The following FAM3B variants were observed in gnomAD, a reference collection of about 807,000 sequenced individuals.
The protein encoded by FAM3B is FAM3 metabolism regulating signaling molecule B, also known as protein FAM3B.
Under a neutral mutation model 28.4 loss-of-function variants are expected in FAM3B, and 29 were observed. That is an observed-to-expected ratio of 1.02 (90% CI 0.76 to 1.39). The LOEUF is 1.39. Among genes scored for constraint, FAM3B ranks in the 40% most tolerant of loss-of-function variants. The pLI, the probability that FAM3B is intolerant of heterozygous loss-of-function variation, is 0.00. For synonymous variants in FAM3B, 91 were observed against 103.0 expected (o/e 0.88, Z 0.71); for missense variants, 266 against 293.9 (o/e 0.91, Z 0.69).
chr21:41,309,376 G>A (rs1457632159), intron 1 of FAM3B, among the ~76,000 whole-genome samples: 2 of 152,118 alleles, frequency 1.3e-5, no homozygotes, highest in Admixed American at 6.5e-5. Flanking sequence ...TCCCACAGTG[G>A]GTCACCCATG....
chr21:41,350,163 G>A (rs1371480993), intron 7 of FAM3B, among the ~76,000 whole-genome samples: 1 of 152,326 alleles, frequency 6.6e-6, no homozygotes, highest in South Asian at 2.1e-4. Flanking sequence ...AACAAGTCAC[G>A]TCACCTCTCT....
chr21:41,336,485 A>G (rs927409133), intron 2 of FAM3B, among the ~76,000 whole-genome samples: 3 of 152,306 alleles, frequency 2.0e-5, no homozygotes, highest in East Asian at 1.9e-4. Context: ...TCACACCACT[A>G]CACTCCAGCC....
chr21:41,312,749 GTGTA>G (rs746393563), upstream of FAM3B, among the ~76,000 whole-genome samples: 2 of 148,490 alleles, frequency 1.3e-5, no homozygotes, highest in African/African-American at 5.0e-5. Flanking sequence ...GTGTGTGTGT[GTGTA>G]TGATGTCTGC....
chr21:41,356,159 A>G (rs1274582600), intron 7 of FAM3B, among the ~76,000 whole-genome samples: 1 of 152,160 alleles, frequency 6.6e-6, no homozygotes, highest in Non-Finnish European at 1.5e-5. Context: ...AGCTAAATTT[A>G]CATTTTATAC....
chr21:41,332,298 A>G (rs1568916680), intron 2 of FAM3B, among the ~76,000 whole-genome samples: 2 of 152,356 alleles, frequency 1.3e-5, no homozygotes, highest in East Asian at 1.9e-4. Context: ...CTGCAGGACC[A>G]TGAGCCAATT....
rs749718768 is a variant in FAM3B at position 41,338,445 on chromosome 21, G to A, written c.231G>A (p.Arg77=). 5 of 1,614,158 alleles carry A rather than the reference G, an allele frequency of 3.1e-6. No homozygotes were observed. The highest frequency in any genetic ancestry group is 2.2e-5 in the South Asian group (2 of 91,086). Residue 77 remains arginine (R), a synonymous_variant, in exon 3 of 8, where the codon AGG becomes AGA. Transcript: ENST00000357985. ...TPCPSDTYAY[R]LLSGGGRSKY... ...GCCCATCTGACACCTATGCCTACAG[G>A]TTACTCAGCGGAGGTGGCAGAAGCA... is the stretch of plus-strand genomic sequence containing the variant.
rs775765429 is a variant in FAM3B, at chr21:41,338,564, G to A, written c.287+63G>A. ...TACTGATTCTTGCCCCTTCCCTGAGGCTGACCAAGCAGCAGTTCTGCCCAC... is the reference window on the plus strand; with the variant it reads ...TACTGATTCTTGCCCCTTCCCTGAGACTGACCAAGCAGCAGTTCTGCCCAC... On this transcript the variant is annotated intron_variant, in intron 3 of 7. Coordinates refer to ENST00000357985, the MANE Select transcript of FAM3B (RefSeq NM_058186.4). The A allele has an allele frequency of 2.5e-6, 4 of 1,595,548 alleles. No individual in the cohort carries two copies. In the East Asian group the frequency reaches 6.7e-5, roughly 27 times the overall value.
chr21:41,319,150 C>A (rs1422664572), intron 1 of FAM3B, among the ~76,000 whole-genome samples: 1 of 152,134 alleles, frequency 6.6e-6, no homozygotes, highest in African/African-American at 2.4e-5. Flanking sequence ...GGTTCCTTAG[C>A]TTTCCAAAAT....
At chr21:41,344,427 G>A (rs1432895609) in intron 3 of FAM3B, 49 bp from the exon 4 acceptor site, 1 of 1,549,820 alleles carries the variant, frequency 6.5e-7, no homozygotes, top group African/African-American at 1.4e-5. Context: ...GCGGAGCGGG[G>A]AGAGTCGCAC....
At chr21:41,320,241 T>G (rs75797740) in intron 1 of FAM3B, 11,801 of 152,216 alleles carry the variant, frequency 0.078, 638 homozygotes, top group African/African-American at 0.14. Flanking sequence ...CCTGTGTAAT[T>G]GGGACTACAG....
chr21:41,311,236 C>CAAA lies in FAM3B; in HGVS notation n.99+6940_99+6942dup, dbSNP rs71848321. On this transcript the variant is annotated intron_variant and non_coding_transcript_variant, in intron 1 of 9. Transcript: ENST00000479810. ...GCAACATGACAAAACCCTGTCTCTA[C>CAAA]AAAAAAAAAAAAAAAATATATATAT... is the stretch of plus-strand genomic sequence containing the variant. Among the ~76,000 whole-genome samples, 134 of 23,478 alleles carry CAAA rather than the reference C, an allele frequency of 5.7e-3. 10 individuals carry two copies. The highest frequency in any genetic ancestry group is 0.011 in the Admixed American group (15 of 1,322). 15.4% of individuals were successfully genotyped at this position (23,478 alleles called of 152,430 possible). A position where few individuals can be genotyped will look rare whatever the true frequency, so the allele number is the denominator to read the frequency against.
At chr21:41,306,741 G>A (rs779232663) in intron 1 of FAM3B, among the ~76,000 whole-genome samples, 5 of 152,166 alleles carry the variant, frequency 3.3e-5, no homozygotes, top group Non-Finnish European at 5.9e-5. Flanking sequence ...GACAGTAGAT[G>A]TAGCATACTT....
At chr21:41,319,126 A>G (rs546586418) in intron 1 of FAM3B, among the ~76,000 whole-genome samples, 66 of 152,204 alleles carry the variant, frequency 4.3e-4, no homozygotes, top group Non-Finnish European at 8.4e-4. Flanking sequence ...TCCTGGCCTC[A>G]AGTTGAACTC....
intron 2 of FAM3B, among the ~76,000 whole-genome samples, chr21:41,336,018 C>G (rs1367462172): frequency 1.3e-5 from 2 of 152,236 alleles, no homozygotes; most frequent in East Asian, 1.9e-4. Context: ...AGAGGTAGGG[C>G]CTTTTGGAAA....
chr21:41,327,368 T>A (rs984189061), intron 2 of FAM3B, among the ~76,000 whole-genome samples: 2 of 152,224 alleles, frequency 1.3e-5, no homozygotes, highest in African/African-American at 2.4e-5. Flanking sequence ...CTTCCTGTAT[T>A]GCTTTTGAGG....
chr21:41,347,191 C>A, intron 6 of FAM3B, 91 bp downstream of exon 6: 1 of 1,058,080 alleles, frequency 9.5e-7, no homozygotes, highest in Non-Finnish European at 1.5e-6. Context: ...CCTCTGGGGA[C>A]AAGCAGAAAG....
intron 1 of FAM3B, chr21:41,322,619 C>T: frequency 1.4e-6 from 1 of 717,518 alleles, no homozygotes; most frequent in Non-Finnish European, 2.6e-6. Context: ...TCACAAGGTG[C>T]TTGATTAGCT....
chr21:41,342,340 GT>G (rs1009146128), intron 3 of FAM3B, among the ~76,000 whole-genome samples: 32 of 152,078 alleles, frequency 2.1e-4, no homozygotes, highest in African/African-American at 7.5e-4. Context: ...CTTCTTTGGA[GT>G]TTTTTTGAGT....
intron 7 of FAM3B, among the ~76,000 whole-genome samples, chr21:41,351,415 C>T (rs907280878): frequency 9.2e-5 from 14 of 152,302 alleles, no homozygotes; most frequent in Middle Eastern, 3.4e-3. Flanking sequence ...GACCTAAACA[C>T]AGCAAGCAGT....
Sources: allele counts gnomAD v4.1 joint callset (sites outside exome capture counted in the v4.1 genomes callset), GRCh38; gene constraint gnomAD v4.1.1; transcripts MANE v1.5; gene names NCBI Gene and HGNC (gene_info 2026-07-23, HGNC 2026-07-21).